Variants in EEIG2 observed in about 807,000 individuals in gnomAD.
The protein encoded by EEIG2 is family with sequence similarity 102 member B.
At chr1:108,601,615 G>A in the EEIG2 span, among the ~76,000 whole-genome samples, 1 of 151,984 alleles carries the variant, frequency 6.6e-6, no homozygotes, top group Non-Finnish European at 1.5e-5. Flanking sequence ...GTCACAAATT[G>A]TGACAAAGGA....
the EEIG2 span, among the ~76,000 whole-genome samples, chr1:108,565,985 C>T: frequency 2.6e-5 from 4 of 152,054 alleles, no homozygotes; most frequent in Non-Finnish European, 5.9e-5. Context: ...AATTAGGAGC[C>T]TTTATTGATC....
chr1:108,609,907 A>C, the EEIG2 span, among the ~76,000 whole-genome samples: 1 of 150,058 alleles, frequency 6.7e-6, no homozygotes. Flanking sequence ...GCCTGTCGGG[A>C]GGGGGCGGGA....
At chr1:108,563,473 T>C in the EEIG2 span, among the ~76,000 whole-genome samples, 1 of 152,176 alleles carries the variant, frequency 6.6e-6, no homozygotes, top group African/African-American at 2.4e-5. Context: ...AAACTTAGGA[T>C]TGGTCTTGGA....
the EEIG2 span, among the ~76,000 whole-genome samples, chr1:108,587,150 A>G: frequency 6.6e-6 from 1 of 152,126 alleles, no homozygotes; most frequent in African/African-American, 2.4e-5. Context: ...CATAGTTCAT[A>G]TCAACTTCTG....
At chr1:108,590,281 TAA>T in the EEIG2 span, among the ~76,000 whole-genome samples, 3 of 152,186 alleles carry the variant, frequency 2.0e-5, no homozygotes, top group Non-Finnish European at 4.4e-5. Context: ...CTTGGAGTAT[TAA>T]AATACTTATT....
At chr1:108,606,138 T>A in the EEIG2 span, 1 of 844,134 alleles carries the variant, frequency 1.2e-6, no homozygotes. Context: ...AGCATATATA[T>A]GTCTGCTTCA....
At chr1:108,601,598 G>T in the EEIG2 span, among the ~76,000 whole-genome samples, 13 of 151,846 alleles carry the variant, frequency 8.6e-5, no homozygotes, top group Admixed American at 5.9e-4. Flanking sequence ...TAAATTAGGG[G>T]AAAATAGTCA....
the EEIG2 span, chr1:108,560,427 C>G: frequency 6.2e-7 from 1 of 1,602,280 alleles, no homozygotes; most frequent in Non-Finnish European, 8.5e-7. Context: ...CTGGCTCTCA[C>G]GATGATGAAG....
At chr1:108,596,040 A>G in the EEIG2 span, among the ~76,000 whole-genome samples, 1 of 152,126 alleles carries the variant, frequency 6.6e-6, no homozygotes, top group Non-Finnish European at 1.5e-5. Flanking sequence ...ACAGCATTAT[A>G]AATACAGACA....
At chr1:108,593,298 A>G in the EEIG2 span, among the ~76,000 whole-genome samples, 6 of 152,254 alleles carry the variant, frequency 3.9e-5, no homozygotes, top group East Asian at 1.9e-4. Flanking sequence ...TCGAGGTCCA[A>G]AATGACTGAT....
chr1:108,634,777 C>A, the EEIG2 span, among the ~76,000 whole-genome samples: 1 of 152,142 alleles, frequency 6.6e-6, no homozygotes, highest in East Asian at 1.9e-4. Flanking sequence ...TCAACATATG[C>A]TCTTGGATGA....
the EEIG2 span, among the ~76,000 whole-genome samples, chr1:108,616,795 A>G: frequency 6.6e-6 from 1 of 152,224 alleles, no homozygotes; most frequent in African/African-American, 2.4e-5. Flanking sequence ...TGTGAAAAAA[A>G]TAGATTAAGT....
the EEIG2 span, among the ~76,000 whole-genome samples, chr1:108,585,902 C>G: frequency 6.6e-6 from 1 of 151,998 alleles, no homozygotes; most frequent in Non-Finnish European, 1.5e-5. Flanking sequence ...CCTGTATTTC[C>G]AAGTATGTCT....
At chr1:108,616,320 G>C in the EEIG2 span, 2 of 1,022,498 alleles carry the variant, frequency 2.0e-6, no homozygotes, top group South Asian at 2.7e-5. Flanking sequence ...ATCGGACTAA[G>C]TGCTGTGAAG....
At chr1:108,609,134 T>A in the EEIG2 span, among the ~76,000 whole-genome samples, 4 of 152,180 alleles carry the variant, frequency 2.6e-5, no homozygotes, top group Admixed American at 6.5e-5. Flanking sequence ...TCCCCCTTTT[T>A]AACTTATTGA....
chr1:108,602,876 A>G, the EEIG2 span, among the ~76,000 whole-genome samples: 3 of 150,970 alleles, frequency 2.0e-5, no homozygotes, highest in African/African-American at 7.3e-5. Flanking sequence ...CCTGTCTCAA[A>G]AAAAAAAAGA....
At chr1:108,632,893 G>A in the EEIG2 span, among the ~76,000 whole-genome samples, 6 of 151,280 alleles carry the variant, frequency 4.0e-5, no homozygotes, top group South Asian at 2.1e-4. Context: ...CTTCAACCCC[G>A]GGCTCAGCCT....
At chr1:108,636,869 T>G in the EEIG2 span, 3 of 152,344 alleles carry the variant, frequency 2.0e-5, no homozygotes, top group South Asian at 2.1e-4. Context: ...ATGAAGATAT[T>G]ATTTAGAGAG....
chr1:108,599,746 C>G, the EEIG2 span, among the ~76,000 whole-genome samples: 1 of 152,322 alleles, frequency 6.6e-6, no homozygotes, highest in South Asian at 2.1e-4. Flanking sequence ...GATCTCAGCA[C>G]TTTGGGAGGC....
Sources: gnomAD v4.1 joint callset for allele counts (sites outside exome capture counted in the v4.1 genomes callset) on GRCh38, gnomAD v4.1.1 for gene constraint, MANE v1.5 for transcripts, NCBI Gene and HGNC (gene_info 2026-07-23, HGNC 2026-07-21) for gene names.